The following LTBP1 variants were observed in gnomAD, a reference collection of about 807,000 sequenced individuals.
The protein encoded by LTBP1 is latent transforming growth factor beta binding protein 1.
Under a neutral mutation model 207.6 loss-of-function variants are expected in LTBP1, and 129 were observed. That is an observed-to-expected ratio of 0.62 (90% CI 0.54 to 0.72). The LOEUF is 0.72. Ranked by LOEUF, LTBP1 falls within the 30% of genes least tolerant of loss-of-function variation. The probability of loss-of-function intolerance (pLI) is 0.00; values close to 1 mark genes in which losing one functional copy is unlikely to be tolerated. For synonymous variants in LTBP1, 963 were observed against 833.7 expected, an observed-to-expected ratio of 1.16 and a Z score of -2.67; for missense variants, 2,281 against 2,217.2, an observed-to-expected ratio of 1.03 and a Z score of -0.58.
chr2:32,975,005 G>C (rs1328378805), intron 2 of LTBP1, among the ~76,000 whole-genome samples: 2 of 152,150 alleles, frequency 1.3e-5, no homozygotes, highest in African/African-American at 4.8e-5. Flanking sequence ...TTTTTGTTGT[G>C]ACCAGTAATG....
chr2:33,151,550 G>A (rs2083520865), intron 5 of LTBP1, among the ~76,000 whole-genome samples: 1 of 151,712 alleles, frequency 6.6e-6, no homozygotes, highest in Non-Finnish European at 1.5e-5. Context: ...GTGAGATTTT[G>A]GTGCACCCAT....
intron 9 of LTBP1, among the ~76,000 whole-genome samples, chr2:33,227,072 G>A (rs554457575): frequency 6.2e-5 from 9 of 146,282 alleles, no homozygotes; most frequent in African/African-American, 2.3e-4. Context: ...AGTCTTGTTT[G>A]TTGCCCAGAC....
chr2:33,012,473 A>G (rs1687806679), intron 2 of LTBP1, among the ~76,000 whole-genome samples: 1 of 152,260 alleles, frequency 6.6e-6, no homozygotes, highest in South Asian at 2.1e-4. Flanking sequence ...TCCCTTGAAT[A>G]TAATAACTCA....
chr2:33,188,949 AAG>A (rs1420183487), intron 7 of LTBP1, 98 bp downstream of exon 7: 5 of 1,403,140 alleles, frequency 3.6e-6, no homozygotes, highest in Non-Finnish European at 4.8e-6. Context: ...TTTTAAAAAA[AAG>A]GCTTTGACAA....
intron 32 of LTBP1, among the ~76,000 whole-genome samples, chr2:33,393,359 G>A (rs1020517441): frequency 6.9e-6 from 1 of 145,204 alleles, no homozygotes; most frequent in East Asian, 2.1e-4. Context: ...TGTTACATAT[G>A]TATACATGTG....
At chr2:33,303,110 AAT>A (rs1382299522) in intron 22 of LTBP1, among the ~76,000 whole-genome samples, 4 of 152,074 alleles carry the variant, frequency 2.6e-5, no homozygotes, top group Admixed American at 2.6e-4. Context: ...GGTAAATGAT[AAT>A]GATTCTAGAT....
intron 2 of LTBP1, among the ~76,000 whole-genome samples, chr2:33,004,125 C>G (rs1348377206): frequency 6.6e-6 from 1 of 150,590 alleles, no homozygotes; most frequent in Admixed American, 6.6e-5. Context: ...AGAGAGTCTG[C>G]CTCGCTGATT....
intron 23 of LTBP1, among the ~76,000 whole-genome samples, chr2:33,310,559 A>G (rs542017246): frequency 1.2e-4 from 19 of 152,320 alleles, no homozygotes; most frequent in Non-Finnish European, 1.9e-4. Flanking sequence ...CCGAGAAGTT[A>G]GGGAGTATGC....
rs1683221134 is a variant in LTBP1, at chr2:32,984,391, C to G, written c.565+35446C>G. 5.3e-5 allele frequency among the ~76,000 whole-genome samples: 8 copies of G among 152,326 alleles called. No individual in the cohort carries two copies. In the South Asian group the frequency reaches 1.7e-3, roughly 32 times the overall value. On this transcript the variant is annotated intron_variant, in intron 2 of 33. Transcript: ENST00000404816. ...AAAACACATGGCTTTAAAGGGCCAT[C>G]TGATCTTGTGAAATCTCCTTTCCTG...
At chr2:32,995,369 C>G (rs1372189049) in intron 2 of LTBP1, among the ~76,000 whole-genome samples, 1 of 152,178 alleles carries the variant, frequency 6.6e-6, no homozygotes, top group East Asian at 1.9e-4. Flanking sequence ...GTCTGCATTT[C>G]TCACACGTGT....
intron 9 of LTBP1, among the ~76,000 whole-genome samples, chr2:33,230,120 T>C (rs1233131138): frequency 6.6e-6 from 1 of 152,194 alleles, no homozygotes; most frequent in Non-Finnish European, 1.5e-5. Flanking sequence ...TCCTAAAGGT[T>C]TTCAAAAGGA....
chr2:32,998,675 G>A (rs1417734271), intron 2 of LTBP1, among the ~76,000 whole-genome samples: 4 of 152,018 alleles, frequency 2.6e-5, no homozygotes, highest in Non-Finnish European at 4.4e-5. Context: ...GATAATTCAC[G>A]TTAGGTGAGG....
At chr2:33,127,889 G>C (rs1299838872) in intron 4 of LTBP1, among the ~76,000 whole-genome samples, 4 of 152,226 alleles carry the variant, frequency 2.6e-5, no homozygotes, top group African/African-American at 9.6e-5. Flanking sequence ...CCTGTGGACA[G>C]CGTGGCTTGG....
intron 5 of LTBP1, among the ~76,000 whole-genome samples, chr2:33,163,035 G>C (rs1401333155): frequency 6.6e-6 from 1 of 152,230 alleles, no homozygotes; most frequent in African/African-American, 2.4e-5. Flanking sequence ...AGGCTACAGT[G>C]CAGTGGCCTG....
intron 24 of LTBP1, among the ~76,000 whole-genome samples, chr2:33,321,275 A>G (rs976545217): frequency 1.3e-5 from 2 of 151,742 alleles, no homozygotes; most frequent in African/African-American, 4.8e-5. Flanking sequence ...TAGAGACTCT[A>G]ACCCCATAAC....
intron 15 of LTBP1, among the ~76,000 whole-genome samples, chr2:33,273,044 G>A (rs2093353459): frequency 6.6e-6 from 1 of 152,044 alleles, no homozygotes; most frequent in Non-Finnish European, 1.5e-5. Context: ...AAAAGATTTG[G>A]GAAAAGATTC....
intron 8 of LTBP1, among the ~76,000 whole-genome samples, chr2:33,219,194 G>T (rs931421407): frequency 6.6e-6 from 1 of 152,030 alleles, no homozygotes. Context: ...CATAATTAAT[G>T]AATTCTTCAT....
chr2:33,161,502 C>T (rs1165394018), intron 5 of LTBP1, among the ~76,000 whole-genome samples: 3 of 152,218 alleles, frequency 2.0e-5, no homozygotes, highest in Non-Finnish European at 2.9e-5. Flanking sequence ...CTCCTGACCT[C>T]GTGATCCACC....
intron 3 of LTBP1, among the ~76,000 whole-genome samples, chr2:33,109,955 T>C (rs1459530027): frequency 1.3e-5 from 2 of 152,236 alleles, no homozygotes; most frequent in African/African-American, 4.8e-5. Context: ...TTGTTTATGA[T>C]TGCTTTTGCT....
Sources: gnomAD v4.1 joint callset for allele counts (sites outside exome capture counted in the v4.1 genomes callset) on GRCh38, gnomAD v4.1.1 for gene constraint, MANE v1.5 for transcripts, NCBI Gene and HGNC (gene_info 2026-07-23, HGNC 2026-07-21) for gene names.